The following CDH12 variants were observed in gnomAD, a reference collection of about 807,000 sequenced individuals.
CDH12 encodes the protein cadherin-12.
In CDH12, 41 loss-of-function variants were observed where a neutral mutation model predicts 74.1. The observed-to-expected ratio is 0.55, with a 90% CI of 0.43 to 0.72. The LOEUF is 0.72. Among genes scored for constraint, CDH12 ranks in the 30% least tolerant of loss-of-function variants. CDH12 has a pLI of 0.00. For missense variants in CDH12, 945 were observed against 977.2 expected (o/e 0.97, Z 0.44); for synonymous variants, 399 against 355.0 (o/e 1.12, Z -1.39).
chr5:22,781,648 C>G (rs1747389514), intron 1 of CDH12, among the ~76,000 whole-genome samples: 1 of 152,150 alleles, frequency 6.6e-6, no homozygotes, highest in Admixed American at 6.6e-5. Flanking sequence ...CAATTGCCCC[C>G]TAATAGGTTC....
At chr5:22,168,034 A>G (rs2150325368) in intron 4 of CDH12, among the ~76,000 whole-genome samples, 1 of 152,210 alleles carries the variant, frequency 6.6e-6, no homozygotes, top group South Asian at 2.1e-4. Flanking sequence ...TGATAAGAGA[A>G]TTTTCATGGC....
intron 2 of CDH12, among the ~76,000 whole-genome samples, chr5:22,491,977 T>C (rs916270035): frequency 2.1e-4 from 32 of 152,222 alleles, no homozygotes; most frequent in African/African-American, 7.0e-4. Flanking sequence ...GGGCTCACTA[T>C]AACGACCTCA....
chr5:22,268,018 A>G (rs1207823737), intron 3 of CDH12, among the ~76,000 whole-genome samples: 6 of 152,146 alleles, frequency 3.9e-5, no homozygotes, highest in Admixed American at 6.6e-5. Context: ...ATTTTACAGG[A>G]CCATGCAGGG....
intron 10 of CDH12, among the ~76,000 whole-genome samples, chr5:21,795,052 T>C (rs1746704087): frequency 6.6e-6 from 1 of 151,680 alleles, no homozygotes; most frequent in Non-Finnish European, 1.5e-5. Context: ...AGAGTTCATC[T>C]TTTTTGAGAC....
chr5:22,782,990 G>A (rs10053329), intron 1 of CDH12, among the ~76,000 whole-genome samples: 6,683 of 152,056 alleles, frequency 0.044, 485 homozygotes, highest in African/African-American at 0.15. Flanking sequence ...CATTTTTCAA[G>A]GATGAAATAA....
chr5:22,694,925 A>G (rs1337023616), intron 1 of CDH12, among the ~76,000 whole-genome samples: 1 of 152,074 alleles, frequency 6.6e-6, no homozygotes, highest in African/African-American at 2.4e-5. Context: ...TAGACCTATC[A>G]ACCCATCATC....
chr5:21,792,731 G>A (rs185078172), intron 10 of CDH12, among the ~76,000 whole-genome samples: 1 of 150,778 alleles, frequency 6.6e-6, no homozygotes, highest in Non-Finnish European at 1.5e-5. Context: ...TTAACTCAGA[G>A]CAAAAATAAC....
chr5:21,923,892 G>A (rs1314963265), intron 6 of CDH12, among the ~76,000 whole-genome samples: 1 of 152,062 alleles, frequency 6.6e-6, no homozygotes, highest in Non-Finnish European at 1.5e-5. Flanking sequence ...TTTGCAAATT[G>A]AAGACATAGG....
intron 2 of CDH12, among the ~76,000 whole-genome samples, chr5:22,453,937 A>G (rs1318904857): frequency 6.6e-6 from 1 of 152,064 alleles, no homozygotes; most frequent in African/African-American, 2.4e-5. Flanking sequence ...ATCCATGAAA[A>G]TTTGGTATTT....
chr5:21,774,221 C>T (rs921384857), intron 11 of CDH12, among the ~76,000 whole-genome samples: 2 of 152,074 alleles, frequency 1.3e-5, no homozygotes, highest in Non-Finnish European at 2.9e-5. Flanking sequence ...GTGGCTAGGA[C>T]AAAAGCAGGC....
chr5:22,357,339 T>A (rs1189662426), intron 3 of CDH12, among the ~76,000 whole-genome samples: 1 of 152,162 alleles, frequency 6.6e-6, no homozygotes, highest in Non-Finnish European at 1.5e-5. Context: ...GATGACTATT[T>A]TCAAATTGAC....
At chr5:22,329,036 A>C in intron 3 of CDH12, among the ~76,000 whole-genome samples, 1 of 152,202 alleles carries the variant, frequency 6.6e-6, no homozygotes, top group African/African-American at 2.4e-5. Flanking sequence ...AGAAGAGAGA[A>C]TTTAAAGAAA....
chr5:22,822,014 G>C (rs1313221613), intron 1 of CDH12, among the ~76,000 whole-genome samples: 1 of 152,174 alleles, frequency 6.6e-6, no homozygotes, highest in Non-Finnish European at 1.5e-5. Context: ...AAACAGTGTG[G>C]TACTGGTACC....
At chr5:22,414,988 T>C (rs985568156) in intron 2 of CDH12, among the ~76,000 whole-genome samples, 5 of 152,132 alleles carry the variant, frequency 3.3e-5, no homozygotes, top group Admixed American at 2.6e-4. Context: ...AGATGACTCA[T>C]TTCTATTACT....
intron 5 of CDH12, among the ~76,000 whole-genome samples, chr5:22,042,749 G>C (rs1739656636): frequency 6.6e-6 from 1 of 151,892 alleles, no homozygotes; most frequent in African/African-American, 2.4e-5. Context: ...ATTTAGCTGG[G>C]TGTGATGGTT....
chr5:22,822,108 T>A (rs1249689567), intron 1 of CDH12, among the ~76,000 whole-genome samples: 1 of 151,898 alleles, frequency 6.6e-6, no homozygotes, highest in Non-Finnish European at 1.5e-5. Flanking sequence ...CTTTGACAAA[T>A]CTGACAAAAA....
At chr5:22,519,509 C>T (rs1269940369) in intron 1 of CDH12, among the ~76,000 whole-genome samples, 1 of 151,382 alleles carries the variant, frequency 6.6e-6, no homozygotes, top group Admixed American at 6.6e-5. Context: ...CTGCAAACTC[C>T]ACCTCCTGGG....
chr5:22,821,085 C>A (rs1749675056), intron 1 of CDH12, among the ~76,000 whole-genome samples: 2 of 152,048 alleles, frequency 1.3e-5, no homozygotes, highest in South Asian at 4.2e-4. Flanking sequence ...TCAACATACG[C>A]AAATCAATAA....
At chr5:22,570,608 A>T (rs1279170340) in intron 1 of CDH12, among the ~76,000 whole-genome samples, 8 of 152,218 alleles carry the variant, frequency 5.3e-5, no homozygotes, top group Non-Finnish European at 1.5e-5. Flanking sequence ...TGTGGCTGTC[A>T]TCCAGGCTTA....
Sources: allele counts gnomAD v4.1 joint callset (sites outside exome capture counted in the v4.1 genomes callset), GRCh38; gene constraint gnomAD v4.1.1; transcripts MANE v1.5; gene names NCBI Gene and HGNC (gene_info 2026-07-23, HGNC 2026-07-21).